STK32B: variants seen among roughly 807,000 people sequenced by gnomAD.
STK32B encodes the protein serine/threonine kinase 32B.
STK32B carries 43 observed loss-of-function variants against 52.6 expected under a neutral mutation model. The ratio of observed to expected loss-of-function variants is 0.82; its 90% CI spans 0.64 to 1.05. The LOEUF is 1.05. Among genes scored for constraint, STK32B ranks in the 50% least tolerant of loss-of-function variants. The pLI is 0.00. For synonymous variants in STK32B, 238 were observed against 204.3 expected (o/e 1.17, Z -1.41); for missense variants, 621 against 534.6 (o/e 1.16, Z -1.59).
chr4:5,198,481 T>C (rs979593171), intron 3 of STK32B, among the ~76,000 whole-genome samples: 4 of 152,222 alleles, frequency 2.6e-5, no homozygotes, highest in Admixed American at 6.5e-5. Flanking sequence ...GTTCAACCAA[T>C]GCTTTCTGCA....
intron 3 of STK32B, among the ~76,000 whole-genome samples, chr4:5,278,779 G>T (rs553781013): frequency 6.6e-6 from 1 of 152,092 alleles, no homozygotes; most frequent in Non-Finnish European, 1.5e-5. Flanking sequence ...AAGCATGGCT[G>T]GGAAGACCTC....
At chr4:5,313,658 T>C (rs1053752465) in intron 3 of STK32B, among the ~76,000 whole-genome samples, 2 of 152,196 alleles carry the variant, frequency 1.3e-5, no homozygotes, top group Non-Finnish European at 2.9e-5. Context: ...CATATGTGTA[T>C]GTGCGTGTGT....
intron 11 of STK32B, among the ~76,000 whole-genome samples, chr4:5,488,815 T>C (rs768788249): frequency 7.2e-5 from 11 of 152,174 alleles, no homozygotes; most frequent in Non-Finnish European, 1.5e-4. Flanking sequence ...TTTTATATCT[T>C]GTTTCTATTT....
chr4:5,498,219 A>G (rs1720453235), intron 11 of STK32B, among the ~76,000 whole-genome samples: 1 of 152,194 alleles, frequency 6.6e-6, no homozygotes, highest in Non-Finnish European at 1.5e-5. Flanking sequence ...ATCCACATGC[A>G]ATGACAGCTG....
At chr4:5,426,619 G>C (rs73211185) in intron 6 of STK32B, among the ~76,000 whole-genome samples, 3,024 of 149,460 alleles carry the variant, frequency 0.02, 46 homozygotes, top group South Asian at 0.085. Context: ...AAGGCCAGGA[G>C]GCGGAGGTTG....
At chr4:5,193,344 C>T (rs1263941724) in intron 3 of STK32B, among the ~76,000 whole-genome samples, 1 of 152,194 alleles carries the variant, frequency 6.6e-6, no homozygotes, top group African/African-American at 2.4e-5. Context: ...AAAGGGAATG[C>T]CGTGAACCGG....
In STK32B at chr4:5,460,575, A is replaced by AC. The variant is rs781278254; in HGVS notation, c.909+351dup. 2.0e-5 allele frequency among the ~76,000 whole-genome samples: 3 copies of AC among 152,106 alleles called. No individual in the cohort carries two copies. The highest frequency in any genetic ancestry group is 4.4e-5 in the Non-Finnish European group (3 of 68,020). ...AGTAGAGGAAGACAGGCAATGACCT[A>AC]CCCCGACAGGGCAGTCAGCACTTGT... On this transcript the variant is annotated intron_variant, in intron 9 of 11. Transcript: ENST00000282908. This position sits in a 1 kb window ranked among gnomAD's most constrained non-coding sequence, Gnocchi z 4.8.
chr4:5,284,365 G>C (rs1728409725), intron 3 of STK32B, among the ~76,000 whole-genome samples: 1 of 152,096 alleles, frequency 6.6e-6, no homozygotes, highest in Admixed American at 6.6e-5. Context: ...CTAGGTTTAA[G>C]AGAAGACTTA....
intron 1 of STK32B, among the ~76,000 whole-genome samples, chr4:5,131,266 C>T (rs984493719): frequency 1.3e-5 from 2 of 152,180 alleles, no homozygotes; most frequent in African/African-American, 2.4e-5. Context: ...GATGTCTGAC[C>T]ACTCACCCCA....
chr4:5,132,069 T>A (rs760546943), intron 1 of STK32B, among the ~76,000 whole-genome samples: 2 of 152,214 alleles, frequency 1.3e-5, no homozygotes, highest in African/African-American at 2.4e-5. Flanking sequence ...GGTAATGGCC[T>A]CCAGCTCCAT....
chr4:5,099,456 G>GTGCGCGCGCACA (rs1181079337), intron 1 of STK32B, among the ~76,000 whole-genome samples: 1 of 140,348 alleles, frequency 7.1e-6, no homozygotes, highest in African/African-American at 2.5e-5. Context: ...GTGTGCGCGC[G>GTGCGCGCGCACA]CGCGTATGTG....
chr4:5,272,214 AG>A (rs1432963483), intron 3 of STK32B, among the ~76,000 whole-genome samples: 1 of 142,874 alleles, frequency 7.0e-6, no homozygotes, highest in Non-Finnish European at 1.5e-5. Context: ...TTTAGCATGA[AG>A]GGTTGTTGAA....
intron 4 of STK32B, among the ~76,000 whole-genome samples, chr4:5,341,765 T>G (rs73093812): frequency 3.9e-5 from 6 of 152,124 alleles, no homozygotes; most frequent in African/African-American, 9.7e-5. Context: ...TCAGGAAACC[T>G]GCAGTCATGG....
In STK32B at chr4:5,324,075, C is replaced by T. The variant is rs376409944; in HGVS notation, c.261-7145C>T. On this transcript the variant is annotated intron_variant, in intron 3 of 11. Coordinates refer to ENST00000282908, the MANE Select transcript of STK32B (RefSeq NM_018401.3). ...GCGCATATACGTAAAGCACTTAGGC[C>T]GGGCACGGCAGCTCACACCTGTAAT... Among the ~76,000 whole-genome samples, 6 of 152,310 alleles carry T rather than the reference C, an allele frequency of 3.9e-5. 1 individual carries two copies. The South Asian group carries it at 6.2e-4, about 16-fold the overall frequency.
At chr4:5,178,170 A>G (rs1361708793) in intron 3 of STK32B, among the ~76,000 whole-genome samples, 1 of 152,216 alleles carries the variant, frequency 6.6e-6, no homozygotes, top group Non-Finnish European at 1.5e-5. Flanking sequence ...GTTTCTATAC[A>G]TCCTCTGAAA....
At chr4:5,043,230 G>A in the STK32B span, among the ~76,000 whole-genome samples, 4 of 151,808 alleles carry the variant, frequency 2.6e-5, no homozygotes, top group African/African-American at 9.7e-5. Context: ...TTAGTAGCAG[G>A]CTTTCGATTC....
At chr4:5,440,410 G>C (rs1170501647) in intron 6 of STK32B, among the ~76,000 whole-genome samples, 2 of 152,126 alleles carry the variant, frequency 1.3e-5, no homozygotes, top group African/African-American at 2.4e-5. Flanking sequence ...CTGTTTGTCT[G>C]TTGTTGGTGT....
At chr4:5,166,310 C>G (rs1390450450) in intron 2 of STK32B, among the ~76,000 whole-genome samples, 1 of 151,682 alleles carries the variant, frequency 6.6e-6, no homozygotes, top group Non-Finnish European at 1.5e-5. Flanking sequence ...AGCACTAAAA[C>G]CTTTCTAGGC....
At chr4:5,110,118 G>C (rs1714316856) in intron 1 of STK32B, among the ~76,000 whole-genome samples, 3 of 151,690 alleles carry the variant, frequency 2.0e-5, no homozygotes, top group Admixed American at 2.0e-4. Context: ...CAAACAAATG[G>C]AAAAACATCC....
Sources: allele counts gnomAD v4.1 joint callset (sites outside exome capture counted in the v4.1 genomes callset), GRCh38; gene constraint gnomAD v4.1.1; non-coding constraint Gnocchi (gnomAD v3.1); transcripts MANE v1.5; gene names NCBI Gene and HGNC (gene_info 2026-07-23, HGNC 2026-07-21).